The following EPHA6 variants were observed in gnomAD, a reference collection of about 807,000 sequenced individuals.
EPHA6 encodes ephrin type-A receptor 6.
A neutral mutation model predicts 112.0 loss-of-function variants in EPHA6; 50 were observed. That is an observed-to-expected ratio of 0.45 (90% CI 0.36 to 0.56). EPHA6 has a LOEUF of 0.56. Ranked by LOEUF, EPHA6 falls within the 20% of genes least tolerant of loss-of-function variation. The pLI is 0.00. For missense variants in EPHA6, 1,280 were observed against 1,417.4 expected (o/e 0.90, Z 1.56); for synonymous variants, 529 against 490.7 (o/e 1.08, Z -1.03).
chr3:97,120,665 A>G (rs1220575846), intron 3 of EPHA6, among the ~76,000 whole-genome samples: 3 of 152,002 alleles, frequency 2.0e-5, no homozygotes, highest in Non-Finnish European at 4.4e-5. Flanking sequence ...CTCATAGCTT[A>G]TCCTTAAGCT....
chr3:97,721,580 A>G (rs1188962275), intron 15 of EPHA6, among the ~76,000 whole-genome samples: 2 of 152,190 alleles, frequency 1.3e-5, no homozygotes, highest in Non-Finnish European at 2.9e-5. Flanking sequence ...TGTTCTCCAA[A>G]GCACAACATC....
intron 15 of EPHA6, among the ~76,000 whole-genome samples, chr3:97,725,152 C>A (rs1290334925): frequency 6.6e-6 from 1 of 152,084 alleles, no homozygotes; most frequent in African/African-American, 2.4e-5. Flanking sequence ...GTGCATTGAC[C>A]TCATTCTCTC....
intron 6 of EPHA6, among the ~76,000 whole-genome samples, chr3:97,429,598 C>A (rs1406800513): frequency 6.6e-6 from 1 of 152,036 alleles, no homozygotes; most frequent in Admixed American, 6.5e-5. Context: ...AAAGATGTTT[C>A]TTTTCACCTA....
intron 10 of EPHA6, among the ~76,000 whole-genome samples, chr3:97,497,912 A>C (rs1215502486): frequency 2.0e-5 from 3 of 152,094 alleles, no homozygotes; most frequent in Non-Finnish European, 4.4e-5. Context: ...GATTTAGATA[A>C]GCAGTGATTG....
intron 6 of EPHA6, among the ~76,000 whole-genome samples, chr3:97,447,308 T>C (rs1281585102): frequency 6.6e-6 from 1 of 152,134 alleles, no homozygotes; most frequent in Non-Finnish European, 1.5e-5. Context: ...GTTGGGAAGG[T>C]CTCCTAAATA....
chr3:97,035,781 T>C (rs2045068760), intron 3 of EPHA6, among the ~76,000 whole-genome samples: 1 of 152,126 alleles, frequency 6.6e-6, no homozygotes, highest in South Asian at 2.1e-4. Context: ...GAATGTTTCT[T>C]TGCTATGGTA....
chr3:97,284,883 T>G (rs114779428), intron 5 of EPHA6, among the ~76,000 whole-genome samples: 2,397 of 152,266 alleles, frequency 0.016, 41 homozygotes, highest in Non-Finnish European at 0.023. Context: ...TATTAAAAAT[T>G]GAATTATTTA....
intron 3 of EPHA6, among the ~76,000 whole-genome samples, chr3:97,186,213 A>G (rs533578961): frequency 9.8e-6 from 1 of 101,886 alleles, no homozygotes; most frequent in Non-Finnish European, 1.5e-5. Flanking sequence ...AAAGTATAAT[A>G]AAAAAAAATG....
chr3:97,039,706 C>T (rs1446591062), intron 3 of EPHA6, among the ~76,000 whole-genome samples: 8 of 151,862 alleles, frequency 5.3e-5, no homozygotes. Flanking sequence ...GTAAAATTTA[C>T]ATGTATTCGG....
chr3:96,905,947 G>A (rs917222264), intron 2 of EPHA6, among the ~76,000 whole-genome samples: 3 of 151,926 alleles, frequency 2.0e-5, no homozygotes, highest in Non-Finnish European at 4.4e-5. Flanking sequence ...ATGTGCATGT[G>A]CTCATGTGTA....
chr3:96,967,258 A>G lies in EPHA6; in HGVS notation c.451-20072A>G, dbSNP rs189974921. Among the ~76,000 whole-genome samples the G allele has an allele frequency of 2.9e-3, 442 of 149,854 alleles. 3 individuals are homozygous for G. Among genetic ancestry groups the G allele is most frequent in the African/African-American group, 9.7e-3 (400 of 41,092 alleles). Reference sequence around the variant, plus strand: ...AGAAATTATTATATAATTTTAGATGATATATATTATATACAACTTAATGTA... The same window carrying G: ...AGAAATTATTATATAATTTTAGATGGTATATATTATATACAACTTAATGTA... On this transcript the variant is annotated intron_variant, in intron 2 of 17. Transcript: ENST00000389672.
Position 96,892,940 on chromosome 3 carries a change from TTA to T in EPHA6, c.450+26065_450+26066del, listed in dbSNP as rs533405941. ...GTGTTTAGCCTAGCCTGATTCCAACTTATATATATATATATGTGTGTGTGTGT... is the reference window on the plus strand; with the variant it reads ...GTGTTTAGCCTAGCCTGATTCCAACTTATATATATATATGTGTGTGTGTGT... On this transcript the variant is annotated intron_variant, in intron 2 of 17. Transcript: ENST00000389672. 6.3e-3 allele frequency among the ~76,000 whole-genome samples: 919 copies of T among 145,480 alleles called. 15 individuals are homozygous for T. Among genetic ancestry groups the T allele is most frequent in the Middle Eastern group, 0.021 (6 of 286 alleles).
chr3:96,815,067 AG>A (rs961730637), intron 1 of EPHA6, 59 bp downstream of exon 1: 1 of 1,443,130 alleles, frequency 6.9e-7, no homozygotes, highest in Admixed American at 2.6e-5. Flanking sequence ...TTGGAGAACC[AG>A]GGTACTGGTT....
At chr3:97,194,842 C>T (rs1196993817) in intron 3 of EPHA6, among the ~76,000 whole-genome samples, 1 of 151,930 alleles carries the variant, frequency 6.6e-6, no homozygotes, top group Non-Finnish European at 1.5e-5. Context: ...TTTTCATAGC[C>T]TTTGTTTTGA....
intron 3 of EPHA6, among the ~76,000 whole-genome samples, chr3:97,142,456 G>T (rs1197397679): frequency 6.6e-6 from 1 of 151,806 alleles, no homozygotes. Context: ...AAATAAGAGA[G>T]ATTTAAATAA....
chr3:96,963,968 A>G (rs932977080), intron 2 of EPHA6, among the ~76,000 whole-genome samples: 5 of 152,156 alleles, frequency 3.3e-5, no homozygotes, highest in African/African-American at 1.2e-4. Context: ...AGTAAGATCC[A>G]GTAGTCTTTT....
chr3:96,962,693 T>C (rs922648245), intron 2 of EPHA6, among the ~76,000 whole-genome samples: 2 of 151,620 alleles, frequency 1.3e-5, no homozygotes, highest in African/African-American at 4.9e-5. Flanking sequence ...AACAGCCTTA[T>C]ATAAAGAGAA....
intron 1 of EPHA6, among the ~76,000 whole-genome samples, chr3:96,863,261 C>G (rs1330020764): frequency 6.6e-6 from 1 of 151,294 alleles, no homozygotes; most frequent in Admixed American, 6.6e-5. Flanking sequence ...TTTTTTTCTT[C>G]CTACTGAGTT....
intron 3 of EPHA6, among the ~76,000 whole-genome samples, chr3:97,011,653 A>G (rs1576317867): frequency 6.6e-6 from 1 of 152,124 alleles, no homozygotes; most frequent in Non-Finnish European, 1.5e-5. Flanking sequence ...TTTCTTTTTC[A>G]ACTTTTATTT....
Sources: gnomAD v4.1 joint callset for allele counts (sites outside exome capture counted in the v4.1 genomes callset) on GRCh38, gnomAD v4.1.1 for gene constraint, MANE v1.5 for transcripts, NCBI Gene and HGNC (gene_info 2026-07-23, HGNC 2026-07-21) for gene names.